The following SCHIP1 variants were observed in gnomAD, a reference collection of about 807,000 sequenced individuals.
SCHIP1 encodes schwannomin interacting protein 1, also known as schwannomin-interacting protein 1.
A neutral mutation model predicts 29.7 loss-of-function variants in SCHIP1; 8 were observed. The observed-to-expected ratio is 0.27, with a 90% CI of 0.16 to 0.49. SCHIP1 has a LOEUF of 0.49. Ranked by LOEUF, SCHIP1 falls within the 20% of genes least tolerant of loss-of-function variation. The pLI is 0.99. For synonymous variants in SCHIP1, 76 were observed against 94.9 expected, an observed-to-expected ratio of 0.80 and a Z score of 1.16; for missense variants, 193 against 294.6, an observed-to-expected ratio of 0.66 and a Z score of 2.52.
At chr3:159,289,473 A>C in the SCHIP1 span, among the ~76,000 whole-genome samples, 1 of 151,818 alleles carries the variant, frequency 6.6e-6, no homozygotes, top group African/African-American at 2.4e-5. Flanking sequence ...TTGTGTTTGG[A>C]GTGTTTTCCT....
chr3:159,394,565 G>A, the SCHIP1 span, among the ~76,000 whole-genome samples: 35 of 152,246 alleles, frequency 2.3e-4, no homozygotes, highest in African/African-American at 7.7e-4. Context: ...TGCATCTATT[G>A]AAATAATCAT....
At chr3:159,476,887 T>G in the SCHIP1 span, among the ~76,000 whole-genome samples, 1 of 152,154 alleles carries the variant, frequency 6.6e-6, no homozygotes, top group Non-Finnish European at 1.5e-5. Flanking sequence ...GTGGAATAGA[T>G]CTCAAAACTT....
chr3:159,374,369 A>C, the SCHIP1 span, among the ~76,000 whole-genome samples: 2 of 152,286 alleles, frequency 1.3e-5, no homozygotes, highest in South Asian at 4.1e-4. Context: ...AACAGAAAAC[A>C]CTTACTTAAA....
At chr3:159,753,903 T>G in the SCHIP1 span, among the ~76,000 whole-genome samples, 1 of 152,164 alleles carries the variant, frequency 6.6e-6, no homozygotes, top group Non-Finnish European at 1.5e-5. Flanking sequence ...TTTCCCTCCC[T>G]CTTCAGCTGC....
the SCHIP1 span, among the ~76,000 whole-genome samples, chr3:159,591,493 C>T: frequency 1.3e-5 from 2 of 152,038 alleles, no homozygotes; most frequent in African/African-American, 4.8e-5. Flanking sequence ...GCACTATTTA[C>T]AATAGAAAAG....
chr3:159,548,997 G>A, the SCHIP1 span, among the ~76,000 whole-genome samples: 5 of 152,068 alleles, frequency 3.3e-5, no homozygotes, highest in Non-Finnish European at 5.9e-5. Flanking sequence ...TAAGACCCTG[G>A]AATCTGCTAT....
the SCHIP1 span, among the ~76,000 whole-genome samples, chr3:159,422,147 T>C: frequency 6.6e-6 from 1 of 152,188 alleles, no homozygotes; most frequent in Non-Finnish European, 1.5e-5. Flanking sequence ...GGTGTGCTTT[T>C]CAATATATTG....
chr3:159,637,890 T>C, the SCHIP1 span, among the ~76,000 whole-genome samples: 3 of 152,214 alleles, frequency 2.0e-5, no homozygotes, highest in Non-Finnish European at 4.4e-5. Context: ...TACTAAATGC[T>C]TATGCCCATA....
At chr3:159,844,546 C>T (rs968847718) in intron 1 of SCHIP1, among the ~76,000 whole-genome samples, 2 of 152,236 alleles carry the variant, frequency 1.3e-5, no homozygotes, top group African/African-American at 2.4e-5. Context: ...CTATCGACCT[C>T]CATTTTCCAG....
the SCHIP1 span, chr3:159,764,825 A>G: frequency 9.4e-6 from 15 of 1,587,784 alleles, no homozygotes; most frequent in East Asian, 3.5e-4. The surrounding 1 kb of genome is among the most constrained non-coding windows in gnomAD (Gnocchi z 6.1). Flanking sequence ...CCGGTGCCCA[A>G]CGGCAACCTC....
chr3:159,351,365 C>T, the SCHIP1 span, among the ~76,000 whole-genome samples: 1 of 152,134 alleles, frequency 6.6e-6, no homozygotes, highest in South Asian at 2.1e-4. Flanking sequence ...ACTCAGATCT[C>T]TCAAAGTCAA....
At chr3:159,355,473 CA>C in the SCHIP1 span, among the ~76,000 whole-genome samples, 1 of 151,958 alleles carries the variant, frequency 6.6e-6, no homozygotes, top group Non-Finnish European at 1.5e-5. Flanking sequence ...ATTTGGTGCA[CA>C]AGGTGACATC....
At chr3:159,813,247 T>C in the SCHIP1 span, among the ~76,000 whole-genome samples, 1 of 152,228 alleles carries the variant, frequency 6.6e-6, no homozygotes, top group Non-Finnish European at 1.5e-5. Flanking sequence ...GCATTTTCAA[T>C]TCACCATCTT....
the SCHIP1 span, among the ~76,000 whole-genome samples, chr3:159,818,474 C>T: frequency 3.3e-5 from 5 of 152,328 alleles, no homozygotes; most frequent in Middle Eastern, 3.4e-3. Context: ...TGTCATCCTC[C>T]CCAGGAAGGG....
chr3:159,751,186 A>G, the SCHIP1 span, among the ~76,000 whole-genome samples: 1 of 152,224 alleles, frequency 6.6e-6, no homozygotes, highest in Admixed American at 6.5e-5. Flanking sequence ...AGGGGTCAGC[A>G]TACTGTGGCC....
the SCHIP1 span, among the ~76,000 whole-genome samples, chr3:159,275,961 C>T: frequency 2.6e-5 from 4 of 152,128 alleles, no homozygotes; most frequent in African/African-American, 9.7e-5. Context: ...GTGGTCCACC[C>T]ACCCTTGCAA....
chr3:159,831,328 T>C, the SCHIP1 span, among the ~76,000 whole-genome samples: 2 of 152,192 alleles, frequency 1.3e-5, no homozygotes, highest in Non-Finnish European at 2.9e-5. Context: ...ACAAATCTGC[T>C]ACTAACTTAC....
chr3:159,472,837 G>A, the SCHIP1 span, among the ~76,000 whole-genome samples: 15 of 152,106 alleles, frequency 9.9e-5, no homozygotes, highest in African/African-American at 3.6e-4. Context: ...TGAGGGAACC[G>A]GAAGGGCTTC....
At chr3:159,625,933 A>T in the SCHIP1 span, among the ~76,000 whole-genome samples, 3 of 151,956 alleles carry the variant, frequency 2.0e-5, no homozygotes, top group Admixed American at 6.6e-5. Context: ...TGTCTGGTGG[A>T]ATAGGAAAAA....
Sources: allele counts gnomAD v4.1 joint callset (sites outside exome capture counted in the v4.1 genomes callset), GRCh38; gene constraint gnomAD v4.1.1; non-coding constraint Gnocchi (gnomAD v3.1); transcripts MANE v1.5; gene names NCBI Gene and HGNC (gene_info 2026-07-23, HGNC 2026-07-21).